The following LRRC28 variants were observed in gnomAD, a reference collection of about 807,000 sequenced individuals.
LRRC28 encodes leucine rich repeat containing 28.
In LRRC28, 39 loss-of-function variants were observed where a neutral mutation model predicts 45.7. The ratio of observed to expected loss-of-function variants is 0.85; its 90% confidence interval spans 0.66 to 1.12. LRRC28 has a LOEUF of 1.12. Ranked by LOEUF, LRRC28 falls within the 50% of genes most tolerant of loss-of-function variation. The probability of loss-of-function intolerance (pLI) is 0.00; values close to 1 mark genes in which losing one functional copy is unlikely to be tolerated. For synonymous variants in LRRC28, 206 were observed against 178.8 expected (o/e 1.15, Z -1.22); for missense variants, 435 against 438.5 (o/e 0.99, Z 0.07).
intron 5 of LRRC28, among the ~76,000 whole-genome samples, chr15:99,308,407 C>G (rs1319894554): frequency 6.6e-6 from 1 of 152,052 alleles, no homozygotes; most frequent in East Asian, 1.9e-4. Flanking sequence ...TGGCTCACAC[C>G]TATAATCCCA....
intron 9 of LRRC28, among the ~76,000 whole-genome samples, chr15:99,385,381 A>G (rs1957952837): frequency 6.6e-6 from 1 of 152,208 alleles, no homozygotes; most frequent in Non-Finnish European, 1.5e-5. Context: ...TTCTCCCTCT[A>G]CCAGAGGATA....
At chr15:99,282,176 G>GTTTTTTTTTTTTTT (rs1476287973) in intron 3 of LRRC28, among the ~76,000 whole-genome samples, 4 of 33,874 alleles carry the variant, frequency 1.2e-4, no homozygotes, top group Admixed American at 2.8e-4. Flanking sequence ...AATTTTTGGA[G>GTTTTTTTTTTTTTT]GTTTTTTTTT....
chr15:99,259,555 G>C (rs2081130349), intron 2 of LRRC28: 1 of 1,348,646 alleles, frequency 7.4e-7, no homozygotes, highest in Non-Finnish European at 1.1e-6. Context: ...TGTGTGCTTT[G>C]GTGGCCAGCC....
At chr15:99,331,784 T>C (rs1956167462) in intron 5 of LRRC28, 1 of 152,262 alleles carries the variant, frequency 6.6e-6, no homozygotes, top group Non-Finnish European at 1.5e-5. Context: ...AAGCTGTATG[T>C]AGTTTTTCAC....
chr15:99,365,389 A>C lies in LRRC28; in HGVS notation c.1031+2124A>C, dbSNP rs141057226. ...AGAGATGAAATGCCAAGATACAAAC[A>C]TGGCTTTCTGTGGGAAGTTAATGGT... On this transcript the variant is annotated intron_variant, in intron 9 of 9. Coordinates refer to ENST00000301981, the MANE Select transcript of LRRC28 (RefSeq NM_144598.5). Among the ~76,000 whole-genome samples, 35 of 152,366 alleles carry C rather than the reference A, an allele frequency of 2.3e-4. 1 individual carries two copies. In the East Asian group the frequency reaches 6.0e-3, roughly 26 times the overall value.
At chr15:99,355,388 A>G (rs115315586) in intron 7 of LRRC28, 208 of 152,360 alleles carry the variant, frequency 1.4e-3, no homozygotes, top group African/African-American at 4.1e-3. Flanking sequence ...TTTCTGTTAT[A>G]TCCTGTTGAT....
At chr15:99,270,845 C>G (rs945522979) in intron 2 of LRRC28, among the ~76,000 whole-genome samples, 1 of 152,100 alleles carries the variant, frequency 6.6e-6, no homozygotes, top group Non-Finnish European at 1.5e-5. Flanking sequence ...GAGGAGCCAC[C>G]AAAAAGTGGC....
intron 7 of LRRC28, among the ~76,000 whole-genome samples, chr15:99,358,665 A>G (rs1485752104): frequency 1.3e-5 from 2 of 152,218 alleles, no homozygotes; most frequent in South Asian, 2.1e-4. Flanking sequence ...GAACAGTTCA[A>G]TTCAGAGGTA....
At chr15:99,259,467 T>G in intron 2 of LRRC28, 2 of 1,193,138 alleles carry the variant, frequency 1.7e-6, no homozygotes, top group Non-Finnish European at 2.5e-6. Flanking sequence ...TTTGAGCCTC[T>G]GCCCAATTGG....
chr15:99,287,993 T>C (rs747607238), intron 5 of LRRC28, 42 bp downstream of exon 5: 1 of 1,525,890 alleles, frequency 6.6e-7, no homozygotes, highest in South Asian at 1.3e-5. Flanking sequence ...TTGTCTATTA[T>C]AAATCTGTAT....
intron 1 of LRRC28, among the ~76,000 whole-genome samples, chr15:99,252,425 C>T (rs1002032572): frequency 5.9e-5 from 9 of 152,124 alleles, no homozygotes; most frequent in African/African-American, 2.2e-4. Context: ...GCAGCCAATC[C>T]CAGCCAGAAC....
chr15:99,361,570 G>T, intron 8 of LRRC28, 59 bp downstream of exon 8: 1 of 1,477,240 alleles, frequency 6.8e-7, no homozygotes, highest in Non-Finnish European at 9.0e-7. Flanking sequence ...ATTGTGCTTG[G>T]TGCACCTGTT....
intron 5 of LRRC28, among the ~76,000 whole-genome samples, chr15:99,289,901 CCGCAG>C (rs1432781046): frequency 5.0e-5 from 7 of 139,388 alleles, no homozygotes; most frequent in East Asian, 4.5e-4. Flanking sequence ...CCACTGCAGT[CCGCAG>C]TCCGGCCTGG....
At chr15:99,318,732 A>G (rs564305402) in intron 5 of LRRC28, among the ~76,000 whole-genome samples, 35 of 152,146 alleles carry the variant, frequency 2.3e-4, no homozygotes, top group Non-Finnish European at 4.6e-4. Flanking sequence ...TTTCTTACAA[A>G]GGCTATATAT....
chr15:99,327,039 G>A (rs1389072181), intron 5 of LRRC28, among the ~76,000 whole-genome samples: 1 of 151,930 alleles, frequency 6.6e-6, no homozygotes, highest in Non-Finnish European at 1.5e-5. Flanking sequence ...TCTTATGGGA[G>A]GATTTAAAGA....
chr15:99,333,783 A>T, intron 5 of LRRC28, 140 bp from the exon 6 acceptor site: 1 of 854,692 alleles, frequency 1.2e-6, no homozygotes. Flanking sequence ...TTCACCAAAA[A>T]TCCTGCACTT....
At position 99,351,635 on chromosome 15, in the gene LRRC28, C is replaced by T. The variant is rs1031331955; in HGVS notation, c.593-734C>T. On this transcript the variant is annotated intron_variant, in intron 6 of 9. Coordinates refer to ENST00000301981, the MANE Select transcript of LRRC28 (RefSeq NM_144598.5). ...ATCTGCCTGGATCTTCAGACTCCTGCCTAGCCAGTGCCTGATCCCTAATCC... is the reference window on the plus strand; with the variant it reads ...ATCTGCCTGGATCTTCAGACTCCTGTCTAGCCAGTGCCTGATCCCTAATCC... Among the ~76,000 whole-genome samples, 3 of 152,302 alleles carry T rather than the reference C, an allele frequency of 2.0e-5. No homozygotes were observed. The East Asian group carries it at 5.8e-4, about 29-fold the overall frequency.
intron 9 of LRRC28, among the ~76,000 whole-genome samples, chr15:99,367,116 C>T (rs1957361365): frequency 6.6e-6 from 1 of 152,184 alleles, no homozygotes; most frequent in South Asian, 2.1e-4. Flanking sequence ...CACAAGACTG[C>T]CTCCACTTAA....
intron 5 of LRRC28, among the ~76,000 whole-genome samples, chr15:99,298,842 G>A (rs562219576): frequency 1.2e-4 from 18 of 152,190 alleles, no homozygotes; most frequent in African/African-American, 4.3e-4. Context: ...CCAAGCAGCT[G>A]GGATTACAGA....
Sources: allele counts gnomAD v4.1 joint callset (sites outside exome capture counted in the v4.1 genomes callset), GRCh38; gene constraint gnomAD v4.1.1; transcripts MANE v1.5; gene names NCBI Gene and HGNC (gene_info 2026-07-23, HGNC 2026-07-21).